The following DNAH17 variants were observed in gnomAD, a reference collection of about 807,000 sequenced individuals.
The protein encoded by DNAH17 is dynein axonemal heavy chain 17, also known as axonemal beta dynein heavy chain 17.
Under a neutral mutation model 485.6 loss-of-function variants are expected in DNAH17, and 376 were observed. The observed-to-expected ratio is 0.77, with a 90% CI of 0.71 to 0.84. The LOEUF is 0.84. DNAH17 is among the 40% of genes least tolerant of loss of function. DNAH17 has a pLI of 0.00. For synonymous variants in DNAH17, 3,031 were observed against 2,405.9 expected (o/e 1.26, Z -7.60); for missense variants, 6,370 against 5,839.3 (o/e 1.09, Z -2.96).
chr17:78,519,479 G>A (rs1431794333), intron 25 of DNAH17, among the ~76,000 whole-genome samples: 2 of 152,048 alleles, frequency 1.3e-5, no homozygotes, highest in Non-Finnish European at 2.9e-5. Context: ...AAATAAAACA[G>A]CACAAAAGTT....
intron 52 of DNAH17, among the ~76,000 whole-genome samples, chr17:78,476,352 C>T (rs937406426): frequency 3.3e-5 from 3 of 92,156 alleles, no homozygotes; most frequent in Admixed American, 1.0e-4. Context: ...CCGGAGTTAT[C>T]GCGTGGAACC....
chr17:78,448,583 C>T (rs1429355888), intron 69 of DNAH17, among the ~76,000 whole-genome samples: 4 of 152,136 alleles, frequency 2.6e-5, no homozygotes, highest in Non-Finnish European at 5.9e-5. Context: ...ACTTATGGCA[C>T]AGTGTAAAGG....
intron 77 of DNAH17, among the ~76,000 whole-genome samples, 187 bp from the exon 78 acceptor site, chr17:78,427,295 G>C (rs2086510326): frequency 6.6e-6 from 1 of 152,210 alleles, no homozygotes; most frequent in South Asian, 2.1e-4. Context: ...GGGAGCCTTG[G>C]CCAGCGGCTC....
rs72927807 is a variant in DNAH17 at position 78,494,909 on chromosome 17, G to A, written c.6042+50C>T. The stretch of plus-strand genomic sequence containing the variant: ...TGGAAGCCAACCCTGGCTGCTGCCC[G>A]CATCTCAAACTCCCACCCACACCCG... On this transcript the variant is annotated intron_variant, in intron 39 of 80. Transcript: ENST00000389840. The A allele has an allele frequency of 0.048, 75,932 of 1,585,314 alleles. 2,190 individuals are homozygous for A. The highest frequency in any genetic ancestry group is 0.057 in the South Asian group (5,025 of 87,842).
intron 23 of DNAH17, 29 bp downstream of exon 23, chr17:78,526,851 A>C (rs2091092045): frequency 1.3e-6 from 2 of 1,558,418 alleles, no homozygotes; most frequent in Non-Finnish European, 1.7e-6. Flanking sequence ...CTCCCCGGAA[A>C]TCCCGCCACC....
intron 44 of DNAH17, among the ~76,000 whole-genome samples, chr17:78,487,546 T>TC (rs140021478): frequency 0.02 from 2,973 of 152,264 alleles, 102 homozygotes; most frequent in African/African-American, 0.067. Context: ...TCATTTTTTT[T>TC]CTTCTTCTGA....
At chr17:78,455,444 G>A (rs577533657) in intron 63 of DNAH17, among the ~76,000 whole-genome samples, 200 bp downstream of exon 63, 90 of 152,090 alleles carry the variant, frequency 5.9e-4, no homozygotes, top group Non-Finnish European at 1.1e-3. Context: ...TCCTGCCTCA[G>A]CCTCCCCAGT....
rs777310449 is a variant in DNAH17, at chr17:78,426,539, A to G, written c.12833T>C (p.Val4278Ala). Residue 4278 changes from valine (V) to alanine (A), a missense_variant, in exon 79 of 81, where the codon GTG (valine) becomes GCG (alanine). Val to Ala is a moderately conservative substitution (Grantham distance 64). Transcript: ENST00000389840. Reference protein sequence around the residue: ...DLSTALFYDTVPDTWVARAYP... With the variant: ...DLSTALFYDTAPDTWVARAYP... The stretch of plus-strand genomic sequence containing the variant: ...GGCCCGGGCCACCCACGTATCAGGC[A>G]CGGTGTCATAGAAGAGAGCCGTGGA... 1 of 1,613,732 alleles carries G rather than the reference A, an allele frequency of 6.2e-7. No individual in the cohort carries two copies. Among genetic ancestry groups the G allele is most frequent in the South Asian group, 1.1e-5 (1 of 91,014 alleles).
At chr17:78,544,347 G>A (rs914952428) in intron 16 of DNAH17, among the ~76,000 whole-genome samples, 1 of 152,186 alleles carries the variant, frequency 6.6e-6, no homozygotes, top group Non-Finnish European at 1.5e-5. Context: ...GTCGAGGAGT[G>A]TGTGGTCAAT....
intron 73 of DNAH17, among the ~76,000 whole-genome samples, chr17:78,438,601 C>A (rs959607110): frequency 6.6e-6 from 1 of 150,576 alleles, no homozygotes; most frequent in South Asian, 2.1e-4. Context: ...CGGGTTCAAG[C>A]GATTTTCCTG....
rs111505452 is a variant in DNAH17, at chr17:78,458,506, G to A, written c.9977+59C>T. 2,141 of 1,455,092 alleles carry A rather than the reference G, an allele frequency of 1.5e-3. 25 individuals are homozygous for A. The African/African-American group carries it at 0.024, about 16-fold the overall frequency. The allele number at this position is 1,455,092 out of a possible 1,614,324, so 90.1% of individuals were successfully genotyped here. On this transcript the variant is annotated intron_variant, in intron 62 of 80. Transcript: ENST00000389840. ...CTCTTCCTCCCAAGGCAGTTGTGTGGGCTTGTCCCTTTCAGGGGGTCTGAG... is the reference window on the plus strand; with the variant it reads ...CTCTTCCTCCCAAGGCAGTTGTGTGAGCTTGTCCCTTTCAGGGGGTCTGAG...
chr17:78,534,980 ACT>A (rs2091336130), intron 19 of DNAH17, among the ~76,000 whole-genome samples: 1 of 151,852 alleles, frequency 6.6e-6, no homozygotes, highest in African/African-American at 2.4e-5. Context: ...TAGATGCCTG[ACT>A]CTCTCATTGT....
At chr17:78,452,863 G>A (rs2087613824) in intron 65 of DNAH17, among the ~76,000 whole-genome samples, 2 of 152,248 alleles carry the variant, frequency 1.3e-5, no homozygotes, top group African/African-American at 4.8e-5. Flanking sequence ...AGTAGTGGAT[G>A]TTAGGGCTCA....
At chr17:78,459,419 C>G (rs754811906) in intron 60 of DNAH17, among the ~76,000 whole-genome samples, 1 of 152,160 alleles carries the variant, frequency 6.6e-6, no homozygotes, top group South Asian at 2.1e-4. Flanking sequence ...TTTTCCAAGT[C>G]GGGCACCAGG....
chr17:78,492,577 T>C, intron 42 of DNAH17, 56 bp downstream of exon 42: 1 of 1,598,874 alleles, frequency 6.3e-7, no homozygotes, highest in Admixed American at 1.7e-5. Context: ...GAGCACACGC[T>C]CACTGCACTG....
In DNAH17 at chr17:78,495,958, A is replaced by T. The variant is rs2090056120; in HGVS notation, c.5820T>A (p.Ile1940=). ...FNFLGEIIGL[I]PTVGIFITMN... Reference sequence around the variant, plus strand: ...TGGTGATGAAGATACCGACGGTGGGAATGAGGCCTATGATCTCTCCCAGGA... The same window carrying T: ...TGGTGATGAAGATACCGACGGTGGGTATGAGGCCTATGATCTCTCCCAGGA... The change falls in exon 38 of 81, where the codon ATT becomes ATA. Residue 1940 remains isoleucine, a synonymous_variant. Coordinates refer to ENST00000389840, the MANE Select transcript of DNAH17 (RefSeq NM_173628.4). 6.2e-7 allele frequency: 1 copy of T among 1,613,824 alleles called. No individual in the cohort carries two copies. Among genetic ancestry groups the T allele is most frequent in the Admixed American group, 1.7e-5 (1 of 59,988 alleles).
At chr17:78,529,778 G>C in intron 21 of DNAH17, 84 bp from the exon 22 acceptor site, 1 of 1,404,108 alleles carries the variant, frequency 7.1e-7, no homozygotes, top group Non-Finnish European at 9.8e-7. Flanking sequence ...AGAGGGGGAC[G>C]ACCGCGGTGA....
chr17:78,501,660 G>A (rs1435274726), intron 34 of DNAH17, 82 bp downstream of exon 34: 1 of 1,538,354 alleles, frequency 6.5e-7, no homozygotes, highest in East Asian at 2.3e-5. Flanking sequence ...GAAGTGGCAG[G>A]GTCTGAAGTC....
rs1220416572 is a variant in DNAH17 at position 78,460,403 on chromosome 17, T to TATGTGTGTGC, written c.9340-156_9340-147dup. ...ATGTGTGCATATATGTGCATGAGTG[T>TATGTGTGTGC]ATGTGTGTGCATGTATGTGTATGTG... On this transcript the variant is annotated intron_variant, in intron 58 of 80. Transcript: ENST00000389840. 31 of 672,734 alleles carry TATGTGTGTGC rather than the reference T, an allele frequency of 4.6e-5. No homozygotes were observed. The African/African-American group carries it at 4.8e-4, about 11-fold the overall frequency. The allele number at this position is 672,734 out of a possible 1,614,324, so 41.7% of individuals were successfully genotyped here.
Sources: allele counts gnomAD v4.1 joint callset (sites outside exome capture counted in the v4.1 genomes callset), GRCh38; gene constraint gnomAD v4.1.1; transcripts MANE v1.5; gene names NCBI Gene and HGNC (gene_info 2026-07-23, HGNC 2026-07-21).